The following MYPN variants were observed in gnomAD, a reference collection of about 807,000 sequenced individuals.
MYPN encodes the protein sarcomeric protein myopalladin, 145 kDa (MYOP).
A neutral mutation model predicts 129.4 loss-of-function variants in MYPN; 63 were observed. The observed-to-expected ratio is 0.49, with a 90% CI of 0.40 to 0.60. The LOEUF is 0.60. Among genes scored for constraint, MYPN ranks in the 20% least tolerant of loss-of-function variants. The pLI is 0.00. For synonymous variants in MYPN, 629 were observed against 600.9 expected, an observed-to-expected ratio of 1.05 and a Z score of -0.68; for missense variants, 1,596 against 1,635.4, an observed-to-expected ratio of 0.98 and a Z score of 0.42.
rs182670924 is a variant in MYPN, at chr10:68,119,244, A to G, written c.-1-2194A>G. On this transcript the variant is annotated intron_variant, in intron 1 of 19. Coordinates refer to ENST00000358913, the MANE Select transcript of MYPN (RefSeq NM_032578.4). ...TTCACTGTTCCATGAAATTTAATAA[A>G]TAGCCATATAGTTCTATTTAATGAG... Among the ~76,000 whole-genome samples, 410 of 152,288 alleles carry G rather than the reference A, an allele frequency of 2.7e-3. 5 individuals are homozygous for G. Among genetic ancestry groups the G allele is most frequent in the Non-Finnish European group, 8.7e-4 (59 of 68,020 alleles).
chr10:68,209,892 C>T (rs1035783260), intron 19 of MYPN, among the ~76,000 whole-genome samples: 20 of 152,010 alleles, frequency 1.3e-4, no homozygotes, highest in African/African-American at 4.8e-4. Context: ...TGGGTTTCGC[C>T]ATGTTGGCCA....
At position 68,121,832 on chromosome 10, in the gene MYPN, C is replaced by A. The variant is rs2042247648; in HGVS notation, c.394C>A (p.Pro132Thr). Residue 132 changes from proline to threonine, a missense_variant, in exon 2 of 20, where the codon CCC becomes ACC. By Grantham distance (38) the Pro-to-Thr change is conservative. Transcript: ENST00000358913. Reference protein sequence around the residue: ...PRSPTSSKESPQEAKRPQYCS... With the variant: ...PRSPTSSKESTQEAKRPQYCS... Reference sequence around the variant, plus strand: ...AAGTCCCACCAGCTCTAAAGAAAGCCCCCAGGAGGCAAAAAGGCCACAGTA... The same window carrying A: ...AAGTCCCACCAGCTCTAAAGAAAGCACCCAGGAGGCAAAAAGGCCACAGTA... The A allele has an allele frequency of 6.2e-7, 1 of 1,613,994 alleles. No homozygotes were observed. Among genetic ancestry groups the A allele is most frequent in the Non-Finnish European group, 8.5e-7 (1 of 1,180,040 alleles).
chr10:68,150,516 C>G (rs2042751485), intron 6 of MYPN, among the ~76,000 whole-genome samples: 1 of 151,662 alleles, frequency 6.6e-6, no homozygotes, highest in African/African-American at 2.4e-5. Flanking sequence ...TAACATAAAG[C>G]CTCCCTCCCT....
At chr10:68,132,793 A>T (rs2042429978) in intron 2 of MYPN, among the ~76,000 whole-genome samples, 1 of 152,204 alleles carries the variant, frequency 6.6e-6, no homozygotes, top group South Asian at 2.1e-4. Context: ...AGATCAAATA[A>T]AATGAAAACT....
intron 1 of MYPN, among the ~76,000 whole-genome samples, chr10:68,117,703 G>A (rs541526368): frequency 8.5e-4 from 129 of 151,860 alleles, no homozygotes; most frequent in African/African-American, 2.2e-3. Context: ...ATTTTTCCTC[G>A]GATCAAGCCA....
At chr10:68,191,284 C>G (rs2043508226) in intron 13 of MYPN, among the ~76,000 whole-genome samples, 2 of 149,220 alleles carry the variant, frequency 1.3e-5, no homozygotes, top group African/African-American at 2.5e-5. Flanking sequence ...GTGGTGAGAT[C>G]TCTGCTCACT....
intron 10 of MYPN, among the ~76,000 whole-genome samples, chr10:68,167,112 C>T (rs2043067591): frequency 6.6e-6 from 1 of 152,142 alleles, no homozygotes; most frequent in Non-Finnish European, 1.5e-5. Flanking sequence ...GCCAAATGTA[C>T]ATCCTTACAT....
chr10:68,119,385 TTTTATTTATTTATTTATTTA>T (rs141638905), intron 1 of MYPN, among the ~76,000 whole-genome samples: 5 of 144,698 alleles, frequency 3.5e-5, no homozygotes, highest in East Asian at 2.0e-4. Flanking sequence ...TTGCATTTTA[TTTTATTTATTTATTTATTTA>T]TTTATTTATT....
chr10:68,122,496 A>G (rs535854018), intron 2 of MYPN, among the ~76,000 whole-genome samples, 156 bp downstream of exon 2: 53 of 152,346 alleles, frequency 3.5e-4, no homozygotes, highest in Non-Finnish European at 5.1e-4. Context: ...TAGAAATGTA[A>G]ACCTAGTCAC....
In MYPN at chr10:68,096,720, T is replaced by C. The variant is rs574971874; in HGVS notation, c.-2+8728T>C. Among the ~76,000 whole-genome samples the C allele has an allele frequency of 2.0e-5, 3 of 152,326 alleles. No homozygotes were observed. The South Asian group carries it at 6.2e-4, about 32-fold the overall frequency. ...TGAATCTGCTTTGTCTTATTCTACA[T>C]AAGAGTGTTTATATGCATTCAACGG... On this transcript the variant is annotated intron_variant, in intron 1 of 6. Transcript: ENST00000685154.
At chr10:68,096,991 T>G (rs890844382) in intron 1 of MYPN, among the ~76,000 whole-genome samples, 1 of 152,252 alleles carries the variant, frequency 6.6e-6, no homozygotes, top group African/African-American at 2.4e-5. Context: ...GTCTCTGCTC[T>G]ACTTATTTGG....
At chr10:68,209,281 C>T (rs552584963) in intron 19 of MYPN, among the ~76,000 whole-genome samples, 1 of 152,274 alleles carries the variant, frequency 6.6e-6, no homozygotes, top group South Asian at 2.1e-4. Flanking sequence ...ATGTTCAAAC[C>T]TTAAAGTCAT....
At chr10:68,194,592 T>C (rs2043573789) in intron 14 of MYPN, 80 bp downstream of exon 14, 1 of 1,478,836 alleles carries the variant, frequency 6.8e-7, no homozygotes. Context: ...CCTTGAGAAG[T>C]GCGAGTTACT....
intron 12 of MYPN, among the ~76,000 whole-genome samples, chr10:68,179,880 A>T (rs1230298478): frequency 1.3e-5 from 2 of 152,146 alleles, no homozygotes; most frequent in African/African-American, 4.8e-5. Flanking sequence ...GAAATCTTTT[A>T]AAAACACACA....
At chr10:68,165,613 CT>C in intron 8 of MYPN, 88 bp from the exon 9 acceptor site, 1 of 1,000,104 alleles carries the variant, frequency 1.0e-6, no homozygotes, top group Non-Finnish European at 1.6e-6. Context: ...TTTATATTGA[CT>C]TTGTAGAATC....
chr10:68,098,238 T>C (rs1241533359), intron 1 of MYPN, among the ~76,000 whole-genome samples: 3 of 151,638 alleles, frequency 2.0e-5, no homozygotes, highest in Non-Finnish European at 4.4e-5. Flanking sequence ...AGAGCGAGAC[T>C]CTGTCTCCAA....
chr10:68,139,718 A>G (rs1187656227), intron 2 of MYPN, among the ~76,000 whole-genome samples: 1 of 152,212 alleles, frequency 6.6e-6, no homozygotes, highest in Non-Finnish European at 1.5e-5. Flanking sequence ...GTTGCCATAG[A>G]ACTTGATGAA....
upstream of MYPN, among the ~76,000 whole-genome samples, chr10:68,109,028 T>A (rs1182430135): frequency 6.6e-6 from 1 of 152,154 alleles, no homozygotes; most frequent in African/African-American, 2.4e-5. Flanking sequence ...GCCAAGGAAT[T>A]TTTAACGTTA....
intron 11 of MYPN, 125 bp from the exon 12 acceptor site, chr10:68,175,198 C>A: frequency 2.9e-6 from 3 of 1,031,878 alleles, no homozygotes; most frequent in Non-Finnish European, 4.5e-6. Context: ...CTGCACAGGG[C>A]TTAATTCCCT....
Sources: allele counts gnomAD v4.1 joint callset (sites outside exome capture counted in the v4.1 genomes callset), GRCh38; gene constraint gnomAD v4.1.1; transcripts MANE v1.5; gene names NCBI Gene and HGNC (gene_info 2026-07-23, HGNC 2026-07-21).